Variants in EHBP1 observed in about 807,000 individuals in gnomAD.
The protein encoded by EHBP1 is EH domain-binding protein 1.
In EHBP1, 55 loss-of-function variants were observed where a neutral mutation model predicts 144.0. That is an observed-to-expected ratio of 0.38 (90% confidence interval 0.31 to 0.48). The LOEUF (loss-of-function observed/expected upper bound fraction) is 0.48. EHBP1 is among the 20% of genes least tolerant of loss of function. The pLI, the probability that EHBP1 is intolerant of heterozygous loss-of-function variation, is 0.98. For missense variants in EHBP1, 1,200 were observed against 1,364.2 expected (o/e 0.88, Z 1.90); for synonymous variants, 469 against 472.7 (o/e 0.99, Z 0.10).
chr2:62,888,075 A>G (rs1331406224), intron 10 of EHBP1, among the ~76,000 whole-genome samples: 1 of 152,206 alleles, frequency 6.6e-6, no homozygotes, highest in Non-Finnish European at 1.5e-5. Flanking sequence ...GGCAAGAGAA[A>G]TTTATAAGAC....
intron 2 of EHBP1, among the ~76,000 whole-genome samples, chr2:62,735,019 G>A (rs1432318830): frequency 1.3e-5 from 2 of 152,166 alleles, no homozygotes; most frequent in Admixed American, 6.5e-5. Flanking sequence ...TCCCACCTCA[G>A]CCTCTCAAGT....
intron 14 of EHBP1, among the ~76,000 whole-genome samples, chr2:62,960,426 A>G (rs2057943255): frequency 6.6e-6 from 1 of 152,198 alleles, no homozygotes; most frequent in Admixed American, 6.5e-5. Flanking sequence ...TTCTATAAAC[A>G]CTGTCCTCAT....
At chr2:63,012,505 T>C (rs2060309901) in intron 19 of EHBP1, among the ~76,000 whole-genome samples, 2 of 152,190 alleles carry the variant, frequency 1.3e-5, no homozygotes, top group Admixed American at 1.3e-4. Context: ...ATCTTCAGTT[T>C]AGACTTTTTT....
intron 5 of EHBP1, among the ~76,000 whole-genome samples, chr2:62,796,159 T>C (rs961070096): frequency 4.6e-5 from 7 of 152,072 alleles, no homozygotes; most frequent in African/African-American, 1.7e-4. Context: ...TTTAGGACTT[T>C]ACTTTTACTA....
chr2:62,711,538 C>G (rs1356218950), intron 2 of EHBP1, among the ~76,000 whole-genome samples: 1 of 152,150 alleles, frequency 6.6e-6, no homozygotes, highest in African/African-American at 2.4e-5. Context: ...ATAAAAGTCT[C>G]AAACTCAGAG....
chr2:62,884,922 T>G (rs1459944552), intron 10 of EHBP1, among the ~76,000 whole-genome samples: 2 of 152,348 alleles, frequency 1.3e-5, no homozygotes, highest in South Asian at 4.1e-4. Context: ...TCTGTTAAAA[T>G]TATTAAAGAG....
intron 10 of EHBP1, among the ~76,000 whole-genome samples, chr2:62,940,717 T>C (rs2056704550): frequency 6.6e-6 from 1 of 152,212 alleles, no homozygotes; most frequent in African/African-American, 2.4e-5. Context: ...TTTATAGGGC[T>C]TGTAATTTCA....
At chr2:62,746,937 T>A (rs748026134) in intron 2 of EHBP1, among the ~76,000 whole-genome samples, 4 of 152,058 alleles carry the variant, frequency 2.6e-5, no homozygotes, top group Non-Finnish European at 5.9e-5. Context: ...TTGGCTATAA[T>A]AATGTTTTAA....
At chr2:62,989,143 T>C (rs974769517) in intron 15 of EHBP1, among the ~76,000 whole-genome samples, 6 of 152,134 alleles carry the variant, frequency 3.9e-5, no homozygotes, top group Admixed American at 3.9e-4. Flanking sequence ...AACCCAAAAT[T>C]AGAACTACAT....
intron 5 of EHBP1, among the ~76,000 whole-genome samples, chr2:62,820,877 G>C (rs561005084): frequency 8.7e-5 from 13 of 149,308 alleles, no homozygotes; most frequent in African/African-American, 3.0e-4. Context: ...TCTGGAGGAA[G>C]GAATGGAAAG....
At chr2:62,884,217 C>A (rs2051723127) in intron 10 of EHBP1, among the ~76,000 whole-genome samples, 1 of 152,088 alleles carries the variant, frequency 6.6e-6, no homozygotes. Context: ...TTGAGGAAGG[C>A]ATTTCTTTTC....
intron 10 of EHBP1, among the ~76,000 whole-genome samples, chr2:62,875,348 G>A (rs1300491688): frequency 6.6e-6 from 1 of 152,230 alleles, no homozygotes; most frequent in Non-Finnish European, 1.5e-5. Context: ...CAGGCCCTGT[G>A]GGTTAGAGCA....
At chr2:62,883,861 C>T (rs1421568683) in intron 10 of EHBP1, among the ~76,000 whole-genome samples, 1 of 152,128 alleles carries the variant, frequency 6.6e-6, no homozygotes, top group Non-Finnish European at 1.5e-5. Context: ...TTCCCAGTTA[C>T]TTGGGAGGTT....
chr2:62,995,199 T>G (rs2059581243), intron 18 of EHBP1, among the ~76,000 whole-genome samples: 1 of 152,120 alleles, frequency 6.6e-6, no homozygotes, highest in African/African-American at 2.4e-5. Context: ...TATTTTTTTC[T>G]GTTATATTTT....
At chr2:62,927,181 C>T (rs953618069) in intron 10 of EHBP1, among the ~76,000 whole-genome samples, 1 of 151,994 alleles carries the variant, frequency 6.6e-6, no homozygotes, top group African/African-American at 2.4e-5. Context: ...ACAGAGGATA[C>T]TAGAGGCTGG....
chr2:62,710,399 T>G (rs1240087203), intron 2 of EHBP1, among the ~76,000 whole-genome samples: 1 of 151,820 alleles, frequency 6.6e-6, no homozygotes, highest in Non-Finnish European at 1.5e-5. Flanking sequence ...TTCTTAGTTG[T>G]GGTGGGAGGA....
At chr2:62,760,356 C>G (rs753618315) in intron 3 of EHBP1, among the ~76,000 whole-genome samples, 1 of 152,162 alleles carries the variant, frequency 6.6e-6, no homozygotes, top group South Asian at 2.1e-4. Flanking sequence ...AGCCAGAACT[C>G]GGTTAGACCT....
At chr2:62,997,291 A>G (rs1044349601) in intron 19 of EHBP1, among the ~76,000 whole-genome samples, 6 of 152,210 alleles carry the variant, frequency 3.9e-5, no homozygotes, top group Middle Eastern at 3.4e-3. Context: ...AAAGGATTAC[A>G]GTATATAGCA....
intron 5 of EHBP1, among the ~76,000 whole-genome samples, chr2:62,792,114 C>T (rs1319931913): frequency 6.6e-6 from 1 of 152,044 alleles, no homozygotes; most frequent in Non-Finnish European, 1.5e-5. Flanking sequence ...TTTACAAGTA[C>T]TACTTACAGT....
Sources: gnomAD v4.1 joint callset for allele counts (sites outside exome capture counted in the v4.1 genomes callset) on GRCh38, gnomAD v4.1.1 for gene constraint, MANE v1.5 for transcripts, NCBI Gene and HGNC (gene_info 2026-07-23, HGNC 2026-07-21) for gene names.